MAP2: variants seen among roughly 807,000 people sequenced by gnomAD.
The protein encoded by MAP2 is microtubule associated protein 2.
A neutral mutation model predicts 137.6 loss-of-function variants in MAP2; 14 were observed. That is an observed-to-expected ratio of 0.10 (90% confidence interval 0.07 to 0.16). MAP2 has a LOEUF of 0.16. MAP2 is among the 10% of genes least tolerant of loss of function. The pLI is 1.00. For missense variants in MAP2, 2,088 were observed against 2,191.5 expected (o/e 0.95, Z 0.94); for synonymous variants, 786 against 782.3 (o/e 1.00, Z -0.08).
At chr2:209,448,046 A>G (rs1309879048) in intron 1 of MAP2, among the ~76,000 whole-genome samples, 1 of 152,112 alleles carries the variant, frequency 6.6e-6, no homozygotes, top group Non-Finnish European at 1.5e-5. Flanking sequence ...GATGCACACA[A>G]AAGTTTTGAA....
intron 4 of MAP2, among the ~76,000 whole-genome samples, chr2:209,643,985 T>A (rs150739090): frequency 6.6e-6 from 1 of 152,332 alleles, no homozygotes; most frequent in East Asian, 1.9e-4. Flanking sequence ...CCTCATTCTT[T>A]TCTGAGGTCC....
At chr2:209,462,733 G>C (rs900922844) in intron 1 of MAP2, among the ~76,000 whole-genome samples, 2 of 152,140 alleles carry the variant, frequency 1.3e-5, no homozygotes, top group Non-Finnish European at 2.9e-5. Flanking sequence ...ATTATGACTA[G>C]TTTGAGATGC....
intron 3 of MAP2, among the ~76,000 whole-genome samples, chr2:209,601,732 T>C (rs2083064020): frequency 6.6e-6 from 1 of 152,182 alleles, no homozygotes; most frequent in African/African-American, 2.4e-5. Flanking sequence ...GGAGGTTGAA[T>C]CACATGGGTT....
intron 2 of MAP2, among the ~76,000 whole-genome samples, chr2:209,568,308 G>T (rs532760715): frequency 1.3e-4 from 20 of 151,954 alleles, no homozygotes; most frequent in African/African-American, 4.6e-4. Context: ...ATAAATATAT[G>T]CATTTTCAGA....
chr2:209,563,358 A>G (rs532234722), intron 2 of MAP2, among the ~76,000 whole-genome samples: 2 of 151,696 alleles, frequency 1.3e-5, no homozygotes, highest in Admixed American at 1.3e-4. Context: ...CATTAAAAGT[A>G]ACGGCAAAAA....
At chr2:209,603,111 C>T (rs1046210440) in intron 3 of MAP2, among the ~76,000 whole-genome samples, 1 of 152,116 alleles carries the variant, frequency 6.6e-6, no homozygotes, top group Non-Finnish European at 1.5e-5. Flanking sequence ...TAGCTGCAGT[C>T]CAGAGTCAAA....
At chr2:209,630,500 G>T (rs1026781894) in intron 4 of MAP2, among the ~76,000 whole-genome samples, 1 of 152,090 alleles carries the variant, frequency 6.6e-6, no homozygotes, top group Non-Finnish European at 1.5e-5. Flanking sequence ...TAGACCAGGT[G>T]GTGCATATAT....
chr2:209,631,386 C>A (rs1392418783), intron 4 of MAP2, among the ~76,000 whole-genome samples: 1 of 152,066 alleles, frequency 6.6e-6, no homozygotes, highest in Admixed American at 6.6e-5. Context: ...GCTTTAAAAC[C>A]TCAGTCCTAT....
At chr2:209,617,132 C>T (rs572398705) in intron 3 of MAP2, among the ~76,000 whole-genome samples, 1 of 152,062 alleles carries the variant, frequency 6.6e-6, no homozygotes, top group Non-Finnish European at 1.5e-5. Flanking sequence ...AAAGAGGGCT[C>T]TGGTTTCTAT....
chr2:209,463,991 A>G (rs1703509815), intron 1 of MAP2, among the ~76,000 whole-genome samples: 1 of 152,162 alleles, frequency 6.6e-6, no homozygotes, highest in African/African-American at 2.4e-5. Context: ...TGAGACATCT[A>G]ATTATAAACA....
chr2:209,587,056 C>T (rs1271185898), intron 3 of MAP2, among the ~76,000 whole-genome samples: 1 of 152,112 alleles, frequency 6.6e-6, no homozygotes, highest in South Asian at 2.1e-4. Context: ...GCTTATTATG[C>T]CATATAATGA....
At chr2:209,669,634 T>C (rs1463133144) in intron 5 of MAP2, among the ~76,000 whole-genome samples, 1 of 152,006 alleles carries the variant, frequency 6.6e-6, no homozygotes, top group Non-Finnish European at 1.5e-5. Context: ...CATTCCTATG[T>C]TTTGCAGCTA....
intron 1 of MAP2, among the ~76,000 whole-genome samples, chr2:209,506,058 A>G (rs919155107): frequency 5.9e-5 from 9 of 152,120 alleles, no homozygotes; most frequent in African/African-American, 2.2e-4. Context: ...TGACAGTTAG[A>G]GAGTTGTTGG....
rs894164333 is a variant in MAP2 at position 209,689,441 on chromosome 2, T to C, written c.455-3184T>C. ...GCACAATTATTTCATAAGAATTTTG[T>C]AAGAATCTTCCATTTACAAAACTAT... On this transcript the variant is annotated intron_variant, in intron 7 of 15. Coordinates refer to ENST00000682079, the MANE Select transcript of MAP2 (RefSeq NM_001375505.1). Among the ~76,000 whole-genome samples the C allele has an allele frequency of 1.4e-4, 22 of 152,142 alleles. 1 individual carries two copies.
intron 12 of MAP2, among the ~76,000 whole-genome samples, chr2:209,706,060 T>A (rs1391912941): frequency 1.3e-5 from 2 of 152,178 alleles, no homozygotes; most frequent in African/African-American, 4.8e-5. Context: ...AGTCAAGGAT[T>A]TTAAAAACAT....
chr2:209,544,492 C>G (rs992215807), intron 2 of MAP2, among the ~76,000 whole-genome samples: 3 of 152,020 alleles, frequency 2.0e-5, no homozygotes, highest in Non-Finnish European at 4.4e-5. Context: ...TATGTATGAT[C>G]TCTTGGAGCT....
intron 5 of MAP2, among the ~76,000 whole-genome samples, chr2:209,668,764 C>A (rs752723875): frequency 6.6e-6 from 1 of 151,980 alleles, no homozygotes; most frequent in Non-Finnish European, 1.5e-5. Context: ...TGAAGGTGCT[C>A]CCCTTCTCTT....
intron 7 of MAP2, among the ~76,000 whole-genome samples, chr2:209,691,067 C>T (rs1226978778): frequency 1.3e-5 from 2 of 152,208 alleles, no homozygotes; most frequent in African/African-American, 2.4e-5. Flanking sequence ...TTTTCCTTTG[C>T]CATGATACAA....
At chr2:209,600,778 G>C (rs944005535) in intron 3 of MAP2, among the ~76,000 whole-genome samples, 1 of 152,156 alleles carries the variant, frequency 6.6e-6, no homozygotes, top group Non-Finnish European at 1.5e-5. Flanking sequence ...GGCTTCCCCA[G>C]GTGTTAGCGC....
Sources: gnomAD v4.1 joint callset for allele counts (sites outside exome capture counted in the v4.1 genomes callset) on GRCh38, gnomAD v4.1.1 for gene constraint, MANE v1.5 for transcripts, NCBI Gene and HGNC (gene_info 2026-07-23, HGNC 2026-07-21) for gene names.